LRRC8A: variants seen among roughly 807,000 people sequenced by gnomAD.
The protein encoded by LRRC8A is leucine rich repeat containing 8 VRAC subunit A, also known as volume-regulated anion channel subunit LRRC8A.
Under a neutral mutation model 52.5 loss-of-function variants are expected in LRRC8A, and 24 were observed. The ratio of observed to expected loss-of-function variants is 0.46; its 90% CI spans 0.33 to 0.64. The LOEUF (loss-of-function observed/expected upper bound fraction) is 0.64, where lower values mean the gene tolerates loss of function less well. Among genes scored for constraint, LRRC8A ranks in the 30% least tolerant of loss-of-function variants. LRRC8A has a pLI of 0.02. For missense variants in LRRC8A, 677 were observed against 1,094.7 expected (o/e 0.62, Z 5.38); for synonymous variants, 492 against 494.2 (o/e 1.00, Z 0.06).
chr9:128,883,943 C>T (rs374544953), intron 1 of LRRC8A, among the ~76,000 whole-genome samples: 7 of 151,818 alleles, frequency 4.6e-5, no homozygotes, highest in African/African-American at 1.7e-4. Context: ...CATTGCACTC[C>T]AGCTTGGGCA....
At chr9:128,900,210 A>C (rs551762283) in intron 2 of LRRC8A, among the ~76,000 whole-genome samples, 1 of 152,110 alleles carries the variant, frequency 6.6e-6, no homozygotes, top group African/African-American at 2.4e-5. Context: ...TGGCCTCTCC[A>C]CCACACCGGG....
chr9:128,888,200 G>A (rs1026629274), intron 2 of LRRC8A, among the ~76,000 whole-genome samples: 6 of 152,146 alleles, frequency 3.9e-5, no homozygotes, highest in African/African-American at 1.4e-4. Context: ...TCTGTCCCCT[G>A]GAGAGAGGGG....
chr9:128,913,640 A>G (rs1393416168), intron 3 of LRRC8A, among the ~76,000 whole-genome samples: 1 of 152,152 alleles, frequency 6.6e-6, no homozygotes, highest in African/African-American at 2.4e-5. Flanking sequence ...CTCCAGAGCC[A>G]GGCTCCATAT....
rs773803974 is a variant in LRRC8A, at chr9:128,916,216, G to A, written c.2278G>A (p.Glu760Lys). ...VGELTNLTQI[E>K]LRGNRLECLP... ...CGAGCTGACCAACCTGACGCAGATC[G>A]AGCTGCGGGGCAACCGGCTGGAGTG... is the stretch of plus-strand genomic sequence containing the variant. Residue 760 changes from glutamate to lysine, a missense_variant, in exon 4 of 4, where the codon GAG becomes AAG. Around this residue, in one of 4 missense-constraint regions of LRRC8A, gnomAD observed 169 missense variants for 217.6 expected, o/e 0.78. Transcript: ENST00000372600. The surrounding 1 kb of genome is among the most constrained non-coding windows in gnomAD (Gnocchi z 6.1). 1 of 1,613,566 alleles carries A rather than the reference G, an allele frequency of 6.2e-7. No homozygotes were observed. The highest frequency in any genetic ancestry group is 8.5e-7 in the Non-Finnish European group (1 of 1,179,996).
chr9:128,896,058 C>T (rs1381419807), intron 2 of LRRC8A, among the ~76,000 whole-genome samples: 1 of 152,220 alleles, frequency 6.6e-6, no homozygotes. Context: ...GTTGAAGTCC[C>T]TTCCCCATTT....
Position 128,908,352 on chromosome 9 carries a change from GGTGA to G in LRRC8A, c.1194_1197del (p.Ser398ArgfsTer7), listed in dbSNP as rs1159669900. On this transcript the variant is annotated frameshift_variant, in exon 3 of 4. Transcript: ENST00000372600. LOFTEE classifies it high-confidence loss of function. ...AGCGCTTCGCCGTCTTCCTGTCGGA[GGTGA>G]GTGAGAACAAGCTGCGGCAGCTGAA... The G allele has an allele frequency of 6.2e-7, 1 of 1,614,078 alleles. No homozygotes were observed. Among genetic ancestry groups the G allele is most frequent in the South Asian group, 1.1e-5 (1 of 91,090 alleles).
At chr9:128,903,043 C>T (rs1490602615) in intron 2 of LRRC8A, among the ~76,000 whole-genome samples, 1 of 152,186 alleles carries the variant, frequency 6.6e-6, no homozygotes, top group African/African-American at 2.4e-5. Flanking sequence ...GGACCTGAGC[C>T]CGGTGGTAGA....
In LRRC8A at chr9:128,899,678, A is replaced by G. The variant is rs1564523257; in HGVS notation, c.-8-7479A>G. Among the ~76,000 whole-genome samples, 1 of 152,158 alleles carries G rather than the reference A, an allele frequency of 6.6e-6. No homozygotes were observed. Among genetic ancestry groups the G allele is most frequent in the Non-Finnish European group, 1.5e-5 (1 of 68,038 alleles). On this transcript the variant is annotated intron_variant, in intron 2 of 3. Coordinates refer to ENST00000372600, the MANE Select transcript of LRRC8A (RefSeq NM_019594.4). The surrounding 1 kb of genome is among the most constrained non-coding windows in gnomAD (Gnocchi z 4.0). ...ACAAATACCTTATGATTCCACTTAC[A>G]TGAGGTCCCTAGAGAAGTCAGATTG...
chr9:128,916,438 C>G lies in LRRC8A; in HGVS notation c.*67C>G. ...AGTCCTCAGGCCCGGAGGGGCAGGCCTAGCTTCTCCCAGAACTCCCGGACA... is the reference window on the plus strand; with the variant it reads ...AGTCCTCAGGCCCGGAGGGGCAGGCGTAGCTTCTCCCAGAACTCCCGGACA... On this transcript the variant is annotated 3_prime_UTR_variant, in exon 4 of 4. Transcript: ENST00000372600. This position sits in a 1 kb window ranked among gnomAD's most constrained non-coding sequence, Gnocchi z 6.1. 2.0e-6 allele frequency: 3 copies of G among 1,515,942 alleles called. No homozygotes were observed. The highest frequency in any genetic ancestry group is 2.7e-6 in the Non-Finnish European group (3 of 1,131,532). The allele number at this position is 1,515,942 out of a possible 1,614,324, so 93.9% of individuals were successfully genotyped here. A position where few individuals can be genotyped will look rare whatever the true frequency, so the allele number is the denominator to read the frequency against.
At chr9:128,891,049 T>G (rs141076448) in intron 2 of LRRC8A, among the ~76,000 whole-genome samples, 28 of 152,014 alleles carry the variant, frequency 1.8e-4, no homozygotes, top group Non-Finnish European at 3.4e-4. Flanking sequence ...GGCAGGTGGA[T>G]CACCTGAGGT....
Position 128,907,091 on chromosome 9 carries a change from CT to C in LRRC8A, c.-8-65del. On this transcript the variant is annotated intron_variant, in intron 2 of 3. Transcript: ENST00000372600. This position sits in a 1 kb window ranked among gnomAD's most constrained non-coding sequence, Gnocchi z 9.3. Reference sequence around the variant, plus strand: ...GAAGAATTTTCATTGTCTTCTTCCCCTGACCCCTGGTCCTAGGAAAGCCAGG... The same window carrying C: ...GAAGAATTTTCATTGTCTTCTTCCCCGACCCCTGGTCCTAGGAAAGCCAGG... 7 of 1,280,838 alleles carry C rather than the reference CT, an allele frequency of 5.5e-6. No homozygotes were observed. Among genetic ancestry groups the C allele is most frequent in the Non-Finnish European group, 7.6e-6 (7 of 919,404 alleles). The allele number at this position is 1,280,838 out of a possible 1,614,324, so 79.3% of individuals were successfully genotyped here. A position where few individuals can be genotyped will look rare whatever the true frequency, so the allele number is the denominator to read the frequency against.
At chr9:128,898,491 A>G (rs1839908919) in intron 2 of LRRC8A, among the ~76,000 whole-genome samples, 1 of 152,162 alleles carries the variant, frequency 6.6e-6, no homozygotes, top group Non-Finnish European at 1.5e-5. Context: ...TCTCGAATGC[A>G]CTTTTCATTC....
intron 1 of LRRC8A, chr9:128,882,459 C>T (rs1478118980): frequency 8.2e-6 from 3 of 364,220 alleles, no homozygotes; most frequent in Non-Finnish European, 1.5e-5. Flanking sequence ...CTCGCCGGCT[C>T]CGCGGCGCGC....
intron 2 of LRRC8A, among the ~76,000 whole-genome samples, chr9:128,891,511 T>C (rs1249973813): frequency 6.6e-6 from 1 of 152,212 alleles, no homozygotes; most frequent in Non-Finnish European, 1.5e-5. Context: ...CAGTGAGTCA[T>C]GATCGCACCA....
chr9:128,916,966 C>T lies in LRRC8A; in HGVS notation c.*595C>T, dbSNP rs1339062919. ...CGGTGCGGTCCACGGGAGAGCAGGC[C>T]TCCAGCTGGAAAGGCCAGGCCTGGA... On this transcript the variant is annotated 3_prime_UTR_variant, in exon 4 of 4. Transcript: ENST00000372600. The surrounding 1 kb of genome is among the most constrained non-coding windows in gnomAD (Gnocchi z 6.1). The T allele has an allele frequency of 3.3e-5, 5 of 152,208 alleles. No individual in the cohort carries two copies. The highest frequency in any genetic ancestry group is 5.9e-5 in the Non-Finnish European group (4 of 67,998). The allele number at this position is 152,208 out of a possible 1,614,324, so 9.4% of individuals were successfully genotyped here. A position where few individuals can be genotyped will look rare whatever the true frequency, so the allele number is the denominator to read the frequency against.
In LRRC8A at chr9:128,917,654, G is replaced by C. The variant is rs555574748; in HGVS notation, c.*1283G>C. On this transcript the variant is annotated 3_prime_UTR_variant, in exon 4 of 4. Coordinates refer to ENST00000372600, the MANE Select transcript of LRRC8A (RefSeq NM_019594.4). ...CTTCATGAAGAGCAGACACTTAGAG[G>C]CTGGTCGGGAATGGGGAGGTCGCCC... 6 of 152,966 alleles carry C rather than the reference G, an allele frequency of 3.9e-5. No individual in the cohort carries two copies. Among genetic ancestry groups the C allele is most frequent in the Admixed American group, 6.5e-5 (1 of 15,296 alleles). The allele number at this position is 152,966 out of a possible 1,614,324, so 9.5% of individuals were successfully genotyped here. A position where few individuals can be genotyped will look rare whatever the true frequency, so the allele number is the denominator to read the frequency against.
At position 128,907,438 on chromosome 9, in the gene LRRC8A, A is replaced by G; in HGVS notation, c.274A>G (p.Thr92Ala). 1 of 1,613,652 alleles carries G rather than the reference A, an allele frequency of 6.2e-7. No individual in the cohort carries two copies. The highest frequency in any genetic ancestry group is 8.5e-7 in the Non-Finnish European group (1 of 1,180,010). ...PNSTILPTPD[T>A]GPTGIKYDLD... The stretch of plus-strand genomic sequence containing the variant: ...CTCCACCATTCTGCCGACCCCTGAC[A>G]CGGGCCCCACAGGCATCAAGTATGA... Residue 92 changes from threonine to alanine, a missense_variant, in exon 3 of 4, where the codon ACG becomes GCG. By Grantham distance (58) the Thr-to-Ala change is moderately conservative. Around this residue, in one of 4 missense-constraint regions of LRRC8A, gnomAD observed 54 missense variants for 49.7 expected, o/e 1.09. Coordinates refer to ENST00000372600, the MANE Select transcript of LRRC8A (RefSeq NM_019594.4). The surrounding 1 kb of genome is among the most constrained non-coding windows in gnomAD (Gnocchi z 9.3).
intron 2 of LRRC8A, among the ~76,000 whole-genome samples, chr9:128,894,792 CAAAAAA>C (rs34427753): frequency 8.1e-6 from 1 of 123,410 alleles, no homozygotes; most frequent in Non-Finnish European, 1.7e-5. Context: ...GACTCTACCT[CAAAAAA>C]AAAAAAAAAA....
At chr9:128,885,606 C>G (rs1839363496) in intron 1 of LRRC8A, among the ~76,000 whole-genome samples, 1 of 152,128 alleles carries the variant, frequency 6.6e-6, no homozygotes, top group Admixed American at 6.6e-5. Context: ...GGGAGGTGCT[C>G]TGTCAGAACC....
Sources: gnomAD v4.1 joint callset for allele counts (sites outside exome capture counted in the v4.1 genomes callset) on GRCh38, gnomAD v4.1.1 for gene constraint, gnomAD v4.1.1 regional missense constraint, Gnocchi (gnomAD v3.1) non-coding constraint, MANE v1.5 for transcripts, NCBI Gene and HGNC (gene_info 2026-07-23, HGNC 2026-07-21) for gene names.